EZR: variants seen among roughly 807,000 people sequenced by gnomAD.
EZR encodes the protein ezrin.
A neutral mutation model predicts 74.8 loss-of-function variants in EZR; 40 were observed. That is an observed-to-expected ratio of 0.53 (90% CI 0.42 to 0.70). EZR has a LOEUF of 0.70. Ranked by LOEUF, EZR falls within the 30% of genes least tolerant of loss-of-function variation. EZR has a pLI of 0.00. For synonymous variants in EZR, 341 were observed against 283.3 expected, an observed-to-expected ratio of 1.20 and a Z score of -2.05; for missense variants, 678 against 755.8, an observed-to-expected ratio of 0.90 and a Z score of 1.21.
chr6:158,809,491 C>A (rs1163927207), intron 2 of EZR, among the ~76,000 whole-genome samples: 1 of 152,200 alleles, frequency 6.6e-6, no homozygotes, highest in Non-Finnish European at 1.5e-5. Context: ...ACTTTCTCTA[C>A]ACAAAGACCC....
In EZR at chr6:158,807,473, G is replaced by A. The variant is rs556058396; in HGVS notation, c.12+10609C>T. On this transcript the variant is annotated intron_variant, in intron 2 of 13. Transcript: ENST00000367075. ...CCTGAGAAAGGATGGAAGAGTAAGT[G>A]GGTTTGGAAATGATGGACTTATCAC... 1.1e-3 allele frequency among the ~76,000 whole-genome samples: 163 copies of A among 152,290 alleles called. 1 individual carries two copies. The highest frequency in any genetic ancestry group is 1.5e-3 in the Non-Finnish European group (101 of 68,034).
At chr6:158,794,237 G>A (rs1777009311) in intron 2 of EZR, among the ~76,000 whole-genome samples, 1 of 152,086 alleles carries the variant, frequency 6.6e-6, no homozygotes, top group African/African-American at 2.4e-5. Context: ...GCAAGATCGC[G>A]CCACTGCACT....
chr6:158,793,197 C>T (rs990487963), intron 2 of EZR, among the ~76,000 whole-genome samples: 4 of 150,166 alleles, frequency 2.7e-5, no homozygotes, highest in Non-Finnish European at 4.5e-5. Context: ...GAGCTATGAT[C>T]GAGCCACTGC....
intron 2 of EZR, among the ~76,000 whole-genome samples, chr6:158,809,854 CA>C (rs1351598261): frequency 6.6e-6 from 1 of 152,134 alleles, no homozygotes; most frequent in African/African-American, 2.4e-5. Context: ...TAAAATCCTT[CA>C]AAAATATAAA....
In EZR at chr6:158,769,412, C is replaced by T; in HGVS notation, c.1258G>A (p.Glu420Lys). ...QIKSQEQLAA[E>K]LAEYTAKIAL... ...ATCTTGGCAGTGTATTCTGCAAGCT[C>T]CGCAGCCTGGGAAGGGAATGCCAAG... The change falls in exon 12 of 14, where the codon GAG (glutamate) becomes AAG (lysine). Residue 420 changes from glutamate to lysine, a missense_variant. Glu to Lys is a moderately conservative substitution (Grantham distance 56, BLOSUM62 1). Coordinates refer to ENST00000367075, the MANE Select transcript of EZR (RefSeq NM_001111077.2). 4 of 1,605,998 alleles carry T rather than the reference C, an allele frequency of 2.5e-6. No individual in the cohort carries two copies. Among genetic ancestry groups the T allele is most frequent in the Non-Finnish European group, 3.4e-6 (4 of 1,179,956 alleles).
At chr6:158,815,983 G>A (rs1777544766) in intron 2 of EZR, among the ~76,000 whole-genome samples, 1 of 152,200 alleles carries the variant, frequency 6.6e-6, no homozygotes, top group Non-Finnish European at 1.5e-5. Flanking sequence ...AAACATACCT[G>A]CCATAAGAAA....
chr6:158,808,105 G>A (rs539823126), intron 2 of EZR, among the ~76,000 whole-genome samples: 2 of 152,314 alleles, frequency 1.3e-5, no homozygotes, highest in African/African-American at 4.8e-5. Flanking sequence ...GGTTGTACAG[G>A]TGTACCTAAC....
chr6:158,791,099 G>A (rs1016048519), intron 2 of EZR, among the ~76,000 whole-genome samples: 2 of 151,898 alleles, frequency 1.3e-5, no homozygotes, highest in Non-Finnish European at 2.9e-5. Flanking sequence ...CTCCCACCCC[G>A]TCCCAATAAC....
At chr6:158,818,724 C>G (rs1380531344) in intron 1 of EZR, among the ~76,000 whole-genome samples, 1 of 151,224 alleles carries the variant, frequency 6.6e-6, no homozygotes, top group Non-Finnish European at 1.5e-5. Flanking sequence ...AGAGGGAGCG[C>G]GCGCCTGGGA....
intron 2 of EZR, among the ~76,000 whole-genome samples, chr6:158,805,314 T>C (rs1177098059): frequency 7.7e-6 from 1 of 129,086 alleles, no homozygotes; most frequent in Non-Finnish European, 1.6e-5. Flanking sequence ...ACTCCCAGCC[T>C]GGTGACAGAG....
intron 13 of EZR, 88 bp downstream of exon 13, chr6:158,767,173 G>C: frequency 6.3e-7 from 1 of 1,582,970 alleles, no homozygotes. Flanking sequence ...GGTGCTGGGT[G>C]GGGCTGGCTC....
chr6:158,774,603 A>G (rs1791212365), intron 8 of EZR, among the ~76,000 whole-genome samples: 2 of 150,950 alleles, frequency 1.3e-5, no homozygotes, highest in Admixed American at 6.6e-5. Context: ...GAGATGCGTT[A>G]CAATGGCTTC....
chr6:158,814,387 A>ACTGCATCACC (rs56043720), intron 2 of EZR, among the ~76,000 whole-genome samples: 23 of 151,368 alleles, frequency 1.5e-4, no homozygotes, highest in South Asian at 1.2e-3. Flanking sequence ...TTTCCTCTCG[A>ACTGCATCACC]CGTTACCTAG....
At chr6:158,818,838 G>A (rs1247540039) in intron 1 of EZR, among the ~76,000 whole-genome samples, 1 of 135,078 alleles carries the variant, frequency 7.4e-6, no homozygotes, top group Non-Finnish European at 1.6e-5. Flanking sequence ...GGGAGAGGGG[G>A]CACAGGGCGG....
At chr6:158,792,601 C>G (rs936421214) in intron 2 of EZR, among the ~76,000 whole-genome samples, 1 of 151,904 alleles carries the variant, frequency 6.6e-6, no homozygotes, top group South Asian at 2.1e-4. Context: ...GGGCAGATCA[C>G]GAGGTCAGGA....
rs925845747 is a variant in EZR, at chr6:158,815,314, G to C, written c.12+2768C>G. 2.6e-5 allele frequency among the ~76,000 whole-genome samples: 4 copies of C among 152,198 alleles called. No homozygotes were observed. The South Asian group carries it at 8.3e-4, about 32-fold the overall frequency. The stretch of plus-strand genomic sequence containing the variant: ...TATTCAAATATGTGCAACCTACGAT[G>C]CTCTTCTCAGTGATTTGTGGGATGG... On this transcript the variant is annotated intron_variant, in intron 2 of 13. Coordinates refer to ENST00000367075, the MANE Select transcript of EZR (RefSeq NM_001111077.2).
At chr6:158,771,153 C>T (rs1440295430) in intron 9 of EZR, 91 bp downstream of exon 9, 3 of 1,504,714 alleles carry the variant, frequency 2.0e-6, no homozygotes, top group South Asian at 1.3e-5. Context: ...ACACTCTCCC[C>T]ATCAGCTCCA....
At chr6:158,771,516 G>T in intron 8 of EZR, 109 bp from the exon 9 acceptor site, 1 of 1,185,332 alleles carries the variant, frequency 8.4e-7, no homozygotes, top group East Asian at 2.6e-5. Context: ...AAATGTAGCA[G>T]AACAGGGATG....
At chr6:158,814,493 A>G (rs1014093485) in intron 2 of EZR, among the ~76,000 whole-genome samples, 34 of 151,882 alleles carry the variant, frequency 2.2e-4, no homozygotes, top group Non-Finnish European at 1.3e-4. Context: ...TCCAGAGAAC[A>G]AGGTCTGCCT....
Sources: gnomAD v4.1 joint callset for allele counts (sites outside exome capture counted in the v4.1 genomes callset) on GRCh38, gnomAD v4.1.1 for gene constraint, MANE v1.5 for transcripts, NCBI Gene and HGNC (gene_info 2026-07-23, HGNC 2026-07-21) for gene names.